FER: variants seen among roughly 807,000 people sequenced by gnomAD.
FER encodes the protein FER tyrosine kinase.
In FER, 63 loss-of-function variants were observed where a neutral mutation model predicts 111.0. That is an observed-to-expected ratio of 0.57 (90% CI 0.46 to 0.70). The LOEUF is 0.70. Ranked by LOEUF, FER falls within the 30% of genes least tolerant of loss-of-function variation. FER has a pLI of 0.00. For missense variants in FER, 914 were observed against 954.0 expected (o/e 0.96, Z 0.55); for synonymous variants, 327 against 313.9 (o/e 1.04, Z -0.44).
At chr5:109,137,283 C>T (rs1752999494) in intron 17 of FER, among the ~76,000 whole-genome samples, 2 of 152,178 alleles carry the variant, frequency 1.3e-5, no homozygotes, top group Non-Finnish European at 2.9e-5. Flanking sequence ...GGACAAGAGG[C>T]TGCTCTGTCT....
At chr5:108,787,388 G>A (rs533160672) in intron 2 of FER, among the ~76,000 whole-genome samples, 1 of 152,284 alleles carries the variant, frequency 6.6e-6, no homozygotes, top group East Asian at 1.9e-4. Flanking sequence ...GTCAGTTTGG[G>A]TGCCGTGGAT....
At chr5:109,120,433 C>T (rs1231313289) in intron 17 of FER, among the ~76,000 whole-genome samples, 1 of 151,976 alleles carries the variant, frequency 6.6e-6, no homozygotes, top group Admixed American at 6.6e-5. Context: ...TTTCTATGTT[C>T]TCTATTTTGT....
intron 10 of FER, among the ~76,000 whole-genome samples, chr5:108,917,639 A>G (rs1434579734): frequency 6.6e-6 from 1 of 152,236 alleles, no homozygotes; most frequent in Non-Finnish European, 1.5e-5. Flanking sequence ...TAAAAACCAA[A>G]GAACACAAGG....
intron 13 of FER, among the ~76,000 whole-genome samples, chr5:108,963,205 T>A (rs909940695): frequency 6.6e-6 from 1 of 152,192 alleles, no homozygotes; most frequent in Admixed American, 6.5e-5. Context: ...TTTCTTCATA[T>A]TTAGATGTTT....
intron 13 of FER, among the ~76,000 whole-genome samples, chr5:108,992,034 T>C (rs1009057156): frequency 1.4e-4 from 21 of 152,262 alleles, no homozygotes; most frequent in East Asian, 1.2e-3. Context: ...CCTTCCGCAG[T>C]GTTTGTGTCC....
chr5:108,750,016 A>T (rs1750290983), intron 1 of FER, among the ~76,000 whole-genome samples: 1 of 152,202 alleles, frequency 6.6e-6, no homozygotes, highest in Non-Finnish European at 1.5e-5. Flanking sequence ...TTAAAAAAAG[A>T]GCAGCTTTTT....
At chr5:108,863,459 T>C (rs1763731766) in intron 5 of FER, among the ~76,000 whole-genome samples, 1 of 152,200 alleles carries the variant, frequency 6.6e-6, no homozygotes, top group African/African-American at 2.4e-5. Context: ...AAATATATTC[T>C]GTAAGAAGAA....
chr5:108,934,260 G>C (rs1200624901), intron 10 of FER, among the ~76,000 whole-genome samples: 1 of 152,052 alleles, frequency 6.6e-6, no homozygotes, highest in Admixed American at 6.6e-5. Flanking sequence ...CTGTGCCTTA[G>C]TGCAAGTCAT....
chr5:108,876,527 G>A (rs1177016680), intron 8 of FER, among the ~76,000 whole-genome samples: 1 of 152,144 alleles, frequency 6.6e-6, no homozygotes, highest in Non-Finnish European at 1.5e-5. Flanking sequence ...CATGCCTATA[G>A]TGTCAAAAGA....
At chr5:108,757,583 A>C (rs1481176453) in intron 1 of FER, among the ~76,000 whole-genome samples, 1 of 152,200 alleles carries the variant, frequency 6.6e-6, no homozygotes, top group African/African-American at 2.4e-5. Context: ...AAACATTTTC[A>C]TTGAGTGTTC....
chr5:109,184,455 G>A (rs1249096814), intron 18 of FER, among the ~76,000 whole-genome samples: 1 of 152,108 alleles, frequency 6.6e-6, no homozygotes, highest in African/African-American at 2.4e-5. Context: ...AACAAAACCA[G>A]GTTCAAAGAT....
At chr5:109,011,881 C>T (rs899832825) in intron 13 of FER, among the ~76,000 whole-genome samples, 5 of 152,142 alleles carry the variant, frequency 3.3e-5, no homozygotes, top group African/African-American at 4.8e-5. Flanking sequence ...TACCTAATTC[C>T]AATTGATCCT....
chr5:109,086,964 TCTC>T (rs1342405083), intron 16 of FER, among the ~76,000 whole-genome samples: 26 of 149,114 alleles, frequency 1.7e-4, no homozygotes, highest in Middle Eastern at 6.8e-3. Flanking sequence ...CTGTGTCTAA[TCTC>T]CTCCTCTTAT....
chr5:108,861,937 A>C (rs1400889618), intron 5 of FER, among the ~76,000 whole-genome samples: 1 of 152,202 alleles, frequency 6.6e-6, no homozygotes, highest in Non-Finnish European at 1.5e-5. Context: ...GTAAGTGAGC[A>C]TGTTTTTAAA....
intron 10 of FER, among the ~76,000 whole-genome samples, chr5:108,910,429 A>G (rs1751382269): frequency 6.6e-6 from 1 of 152,160 alleles, no homozygotes. Flanking sequence ...CACTTAGCAT[A>G]ATTTCCCTAT....
chr5:108,765,806 G>A (rs1371080209), intron 1 of FER, among the ~76,000 whole-genome samples: 1 of 152,086 alleles, frequency 6.6e-6, no homozygotes, highest in East Asian at 1.9e-4. Flanking sequence ...GAGTGGAATT[G>A]GATACATATA....
chr5:109,023,343 AG>A (rs1768196947), intron 13 of FER, among the ~76,000 whole-genome samples: 1 of 152,172 alleles, frequency 6.6e-6, no homozygotes, highest in Non-Finnish European at 1.5e-5. Context: ...TTAGGGAGAT[AG>A]GAATTGAGAG....
chr5:109,008,824 A>G (rs2416194), intron 13 of FER, among the ~76,000 whole-genome samples: 150,125 of 151,964 alleles, frequency 0.99, 74,157 homozygotes, highest in East Asian at 1. Context: ...TACAAAATTA[A>G]CCAGGCATGG....
chr5:109,031,610 T>A (rs1581725137), intron 13 of FER, among the ~76,000 whole-genome samples: 1 of 152,312 alleles, frequency 6.6e-6, no homozygotes, highest in African/African-American at 2.4e-5. Context: ...AGTACATTTC[T>A]AGTTTTTCAC....
Sources: allele counts gnomAD v4.1 joint callset (sites outside exome capture counted in the v4.1 genomes callset), GRCh38; gene constraint gnomAD v4.1.1; transcripts MANE v1.5; gene names NCBI Gene and HGNC (gene_info 2026-07-23, HGNC 2026-07-21).